Variants in GRM4 observed in about 807,000 individuals in gnomAD.
The protein encoded by GRM4 is glutamate metabotropic receptor 4, also known as metabotropic glutamate receptor 4.
GRM4 carries 28 observed loss-of-function variants against 81.7 expected under a neutral mutation model. The ratio of observed to expected loss-of-function variants is 0.34; its 90% CI spans 0.25 to 0.47. The LOEUF is 0.47. Among genes scored for constraint, GRM4 ranks in the 20% least tolerant of loss-of-function variants. GRM4 has a pLI of 1.00. For synonymous variants in GRM4, 488 were observed against 528.8 expected (o/e 0.92, Z 1.06); for missense variants, 948 against 1,290.0 (o/e 0.73, Z 4.06).
Position 34,069,202 on chromosome 6 carries a change from A to ACGCACG in GRM4, c.737-7175_737-7174insCGTGCG, listed in dbSNP as rs1554123171. Among the ~76,000 whole-genome samples the ACGCACG allele has an allele frequency of 1.7e-3, 238 of 142,292 alleles. 1 individual carries two copies. Among genetic ancestry groups the ACGCACG allele is most frequent in the East Asian group, 8.2e-3 (39 of 4,762 alleles). The allele number at this position is 142,292 out of a possible 152,430, so 93.3% of individuals were successfully genotyped here. A position where few individuals can be genotyped will look rare whatever the true frequency, so the allele number is the denominator to read the frequency against. The stretch of plus-strand genomic sequence containing the variant: ...CACACACACACACACACACACACAC[A>ACGCACG]CACGCACGCACACACGGCTCCTTCC... On this transcript the variant is annotated intron_variant, in intron 3 of 10. Coordinates refer to ENST00000538487, the MANE Select transcript of GRM4 (RefSeq NM_000841.4). The surrounding 1 kb of genome is among the most constrained non-coding windows in gnomAD (Gnocchi z 6.4).
At chr6:34,049,971 C>T (rs1249725973) in intron 6 of GRM4, among the ~76,000 whole-genome samples, 1 of 152,170 alleles carries the variant, frequency 6.6e-6, no homozygotes, top group Non-Finnish European at 1.5e-5. Context: ...CAGGTAACGT[C>T]AATCCTCTTT....
rs1382899181 is a variant in GRM4, at chr6:34,122,758, G to GTCTGTCTGTCTGTCTC, written c.519+10219_519+10220insGAGACAGACAGACAGA. 3.2e-3 allele frequency among the ~76,000 whole-genome samples: 491 copies of GTCTGTCTGTCTGTCTC among 151,594 alleles called. 7 individuals carry two copies. Among genetic ancestry groups the GTCTGTCTGTCTGTCTC allele is most frequent in the African/African-American group, 0.011 (459 of 41,118 alleles). On this transcript the variant is annotated intron_variant, in intron 2 of 10. Transcript: ENST00000538487. ...TGTCTGTCTGTCTGTCTGTCTGTCT[G>GTCTGTCTGTCTGTCTC]TCTCTGGGCCAGGCACTGGAAGTAG...
rs989514003 is a variant in GRM4, at chr6:34,074,918, C to G, written c.737-12890G>C. Among the ~76,000 whole-genome samples, 1 of 152,178 alleles carries G rather than the reference C, an allele frequency of 6.6e-6. No individual in the cohort carries two copies. The highest frequency in any genetic ancestry group is 1.5e-5 in the Non-Finnish European group (1 of 68,030). On this transcript the variant is annotated intron_variant, in intron 3 of 10. Transcript: ENST00000538487. The surrounding 1 kb of genome is among the most constrained non-coding windows in gnomAD (Gnocchi z 4.9). ...AACCCACCCAGGCCCTACTGTCCCC[C>G]ACCCTCAGTGGCTGTACCCAGCATT...
chr6:34,108,073 A>C (rs1470749241), intron 2 of GRM4, among the ~76,000 whole-genome samples: 1 of 152,210 alleles, frequency 6.6e-6, no homozygotes, highest in Non-Finnish European at 1.5e-5. Flanking sequence ...CTACCTCTGC[A>C]GCACAGGCTG....
chr6:34,027,695 T>A (rs897555633), intron 10 of GRM4, among the ~76,000 whole-genome samples: 3 of 152,176 alleles, frequency 2.0e-5, no homozygotes, highest in Admixed American at 2.0e-4. Flanking sequence ...CGGGGACGAT[T>A]CCTTCTCCCA....
chr6:34,023,854 T>C (rs1260433962), intron 10 of GRM4, among the ~76,000 whole-genome samples: 4 of 152,142 alleles, frequency 2.6e-5, no homozygotes, highest in Non-Finnish European at 5.9e-5. Context: ...ACCCTTGGTT[T>C]TGTCCTGTCT....
chr6:34,070,827 C>T lies in GRM4; in HGVS notation c.737-8799G>A, dbSNP rs1766787750. On this transcript the variant is annotated intron_variant, in intron 3 of 10. Transcript: ENST00000538487. This position sits in a 1 kb window ranked among gnomAD's most constrained non-coding sequence, Gnocchi z 4.6. ...ACACACACACACACACACGGCAATG[C>T]ACACCCTTACAAAATCACATACTAC... Among the ~76,000 whole-genome samples the T allele has an allele frequency of 1.4e-5, 2 of 145,050 alleles. No individual in the cohort carries two copies. The highest frequency in any genetic ancestry group is 4.3e-4 in the South Asian group (2 of 4,618).
chr6:34,035,267 T>G lies in GRM4; in HGVS notation c.2442+401A>C, dbSNP rs1156856309. Reference sequence around the variant, plus strand: ...AGGAGGAGGAAAGAATGAAAGGAGATGGGGTAAGGGCAGCAGGGATGGAGA... The same window carrying G: ...AGGAGGAGGAAAGAATGAAAGGAGAGGGGGTAAGGGCAGCAGGGATGGAGA... On this transcript the variant is annotated intron_variant, in intron 9 of 10. Coordinates refer to ENST00000538487, the MANE Select transcript of GRM4 (RefSeq NM_000841.4). This position sits in a 1 kb window ranked among gnomAD's most constrained non-coding sequence, Gnocchi z 6.6. Among the ~76,000 whole-genome samples the G allele has an allele frequency of 3.9e-5, 4 of 103,288 alleles. No individual in the cohort carries two copies. Among genetic ancestry groups the G allele is most frequent in the African/African-American group, 7.9e-5 (2 of 25,414 alleles). The allele number at this position is 103,288 out of a possible 152,430, so 67.8% of individuals were successfully genotyped here.
chr6:34,094,586 A>G (rs1768410348), intron 2 of GRM4, among the ~76,000 whole-genome samples: 1 of 152,204 alleles, frequency 6.6e-6, no homozygotes, highest in Non-Finnish European at 1.5e-5. Context: ...GCAGTTTCTC[A>G]GCCTTTGCAC....
chr6:34,035,094 A>ATCC lies in GRM4; in HGVS notation c.2442+573_2442+574insGGA, dbSNP rs2127441953. Among the ~76,000 whole-genome samples the ATCC allele has an allele frequency of 6.6e-6, 1 of 152,196 alleles. No homozygotes were observed. Among genetic ancestry groups the ATCC allele is most frequent in the South Asian group, 2.1e-4 (1 of 4,814 alleles). On this transcript the variant is annotated intron_variant, in intron 9 of 10. Transcript: ENST00000538487. The surrounding 1 kb of genome is among the most constrained non-coding windows in gnomAD (Gnocchi z 6.6). ...GTCCCATGGGGATCTTGTGAGGGGT[A>ATCC]GATGGAGGAGGGAGAAGAGAGGAGT...
chr6:34,061,895 G>C lies in GRM4; in HGVS notation c.870C>G (p.Ile290Met). 6.2e-7 allele frequency: 1 copy of C among 1,611,128 alleles called. No individual in the cohort carries two copies. The highest frequency in any genetic ancestry group is 8.5e-7 in the Non-Finnish European group (1 of 1,177,986). The change falls in exon 4 of 11, where the codon ATC becomes ATG. Residue 290 changes from isoleucine to methionine, a missense_variant and splice_region_variant. Coordinates refer to ENST00000538487, the MANE Select transcript of GRM4 (RefSeq NM_000841.4). ...AVIIFANEDDIRRVLEAARRA... is the reference protein window; with the variant it reads ...AVIIFANEDDMRRVLEAARRA... ...ACCCTGCTGCCACCTGCCCTCACCT[G>C]ATGTCATCCTCGTTGGCAAAGATGA...
At position 34,078,874 on chromosome 6, in the gene GRM4, C is replaced by T. The variant is rs1767448302; in HGVS notation, c.736+13009G>A. 6.6e-6 allele frequency among the ~76,000 whole-genome samples: 1 copy of T among 152,094 alleles called. No homozygotes were observed. The highest frequency in any genetic ancestry group is 6.5e-5 in the Admixed American group (1 of 15,270). On this transcript the variant is annotated intron_variant, in intron 3 of 10. Coordinates refer to ENST00000538487, the MANE Select transcript of GRM4 (RefSeq NM_000841.4). The surrounding 1 kb of genome is among the most constrained non-coding windows in gnomAD (Gnocchi z 4.8). ...AATATCCATATGATCATTCTGTCTA[C>T]CGCAAAATGGGGCACAGATATAATG...
At chr6:34,147,206 A>AT (rs1770954953), upstream of GRM4, among the ~76,000 whole-genome samples, 1 of 151,922 alleles carries the variant, frequency 6.6e-6, no homozygotes, top group African/African-American at 2.4e-5. Flanking sequence ...TCATGCTTTT[A>AT]TTTTTTTTAA....
intron 9 of GRM4, among the ~76,000 whole-genome samples, chr6:34,028,749 C>A (rs1197504057): frequency 1.3e-5 from 2 of 152,180 alleles, no homozygotes. Flanking sequence ...GGAGGACGTG[C>A]GCCTGAGGAG....
intron 2 of GRM4, among the ~76,000 whole-genome samples, chr6:34,109,216 G>A (rs1185662445): frequency 6.6e-6 from 1 of 152,224 alleles, no homozygotes; most frequent in Non-Finnish European, 1.5e-5. Context: ...ACAGGCAGGA[G>A]ATGCCCGCTG....
intron 2 of GRM4, among the ~76,000 whole-genome samples, chr6:34,127,470 C>T (rs1016478112): frequency 6.6e-6 from 1 of 152,226 alleles, no homozygotes; most frequent in Non-Finnish European, 1.5e-5. Context: ...CCAGGTAGCA[C>T]AGGGCCTCTC....
chr6:34,031,650 G>A (rs948576502), intron 9 of GRM4, among the ~76,000 whole-genome samples: 10 of 152,206 alleles, frequency 6.6e-5, no homozygotes, highest in Admixed American at 6.5e-4. Context: ...AAGCATGACT[G>A]AGCAGTAACC....
Position 34,136,558 on chromosome 6 carries a change from GTGCGGACA to G in GRM4, c.-363-2707_-363-2700del, listed in dbSNP as rs1770463115. Among the ~76,000 whole-genome samples the G allele has an allele frequency of 3.5e-5, 3 of 86,516 alleles. No homozygotes were observed. The highest frequency in any genetic ancestry group is 2.7e-4 in the Admixed American group (2 of 7,400). 56.8% of individuals were successfully genotyped at this position (86,516 alleles called of 152,430 possible). ...TCTGGGCTGAGCAGTGCATGCGCGC[GTGCGGACA>G]CACACACACACACACACACACACAC... On this transcript the variant is annotated intron_variant, in intron 1 of 10. Coordinates refer to ENST00000538487, the MANE Select transcript of GRM4 (RefSeq NM_000841.4). The surrounding 1 kb of genome is among the most constrained non-coding windows in gnomAD (Gnocchi z 4.1).
At chr6:34,097,406 T>C (rs1456259927) in intron 2 of GRM4, among the ~76,000 whole-genome samples, 1 of 151,858 alleles carries the variant, frequency 6.6e-6, no homozygotes, top group Non-Finnish European at 1.5e-5. Flanking sequence ...CATGCCTGTG[T>C]TTGTGTGAGC....
Sources: gnomAD v4.1 joint callset for allele counts (sites outside exome capture counted in the v4.1 genomes callset) on GRCh38, gnomAD v4.1.1 for gene constraint, Gnocchi (gnomAD v3.1) non-coding constraint, MANE v1.5 for transcripts, NCBI Gene and HGNC (gene_info 2026-07-23, HGNC 2026-07-21) for gene names.